The following SLC1A6 variants were observed in gnomAD, a reference collection of about 807,000 sequenced individuals.
The protein encoded by SLC1A6 is excitatory amino acid transporter 4.
In SLC1A6, 15 loss-of-function variants were observed where a neutral mutation model predicts 42.1. The ratio of observed to expected loss-of-function variants is 0.36; its 90% CI spans 0.24 to 0.55. SLC1A6 has a LOEUF of 0.55. SLC1A6 is among the 20% of genes least tolerant of loss of function. The probability of loss-of-function intolerance (pLI) is 0.88; values close to 1 mark genes in which losing one functional copy is unlikely to be tolerated. For missense variants in SLC1A6, 542 were observed against 772.5 expected (o/e 0.70, Z 3.54); for synonymous variants, 317 against 319.7 (o/e 0.99, Z 0.09).
At chr19:14,998,947 G>A (rs898030241) in intron 1 of SLC1A6, among the ~76,000 whole-genome samples, 6 of 151,220 alleles carry the variant, frequency 4.0e-5, no homozygotes, top group African/African-American at 7.3e-5. Flanking sequence ...GCACTATCTC[G>A]GCTCACTGCA....
chr19:15,005,219 C>A (rs1376529851), intron 1 of SLC1A6, among the ~76,000 whole-genome samples: 1 of 147,790 alleles, frequency 6.8e-6, no homozygotes, highest in Non-Finnish European at 1.5e-5. Context: ...ATGATGGTAC[C>A]ACTGTACTCT....
chr19:14,980,404 A>T (rs1434010376), upstream of SLC1A6: 1 of 152,248 alleles, frequency 6.6e-6, no homozygotes, highest in Non-Finnish European at 1.5e-5. Flanking sequence ...TTTCTTCTCG[A>T]AAGGCAATGA....
chr19:15,010,484 C>CCGA, the SLC1A6 span: 1 of 532,510 alleles, frequency 1.9e-6, no homozygotes. Context: ...TCCATGCTTA[C>CCGA]CGACATGCGA....
Position 14,950,186 on chromosome 19 carries a change from G to A in SLC1A6, c.*9C>T. ...CCCTCCTCTCTGGGGGGGCAGAGCT[G>A]GAGGCCCCTCACATAGCACTCTCGT... On this transcript the variant is annotated 3_prime_UTR_variant, in exon 10 of 10. Coordinates refer to ENST00000594383, the MANE Select transcript of SLC1A6 (RefSeq NM_005071.3). 1 of 1,525,404 alleles carries A rather than the reference G, an allele frequency of 6.6e-7. No individual in the cohort carries two copies. The highest frequency in any genetic ancestry group is 1.4e-5 in the African/African-American group (1 of 72,876). The allele number at this position is 1,525,404 out of a possible 1,614,324, so 94.5% of individuals were successfully genotyped here.
intron 1 of SLC1A6, among the ~76,000 whole-genome samples, chr19:14,978,468 C>T (rs530420710): frequency 1.3e-5 from 2 of 152,128 alleles, no homozygotes; most frequent in East Asian, 3.9e-4. Context: ...ATATCCACAA[C>T]CCCAGACAGA....
chr19:14,975,240 A>ATCATTTATTCTATATT (rs2045690390), intron 1 of SLC1A6: 1 of 145,680 alleles, frequency 6.9e-6, no homozygotes, highest in African/African-American at 2.6e-5. Context: ...AGCACCGTAG[A>ATCATTTATTCTATATT]GGGACTATGG....
intron 1 of SLC1A6, among the ~76,000 whole-genome samples, chr19:15,009,783 A>T (rs1699059598): frequency 1.3e-5 from 2 of 152,224 alleles, no homozygotes; most frequent in Admixed American, 1.3e-4. Context: ...AAGGCTCTTA[A>T]TTCTTCTAGG....
Position 14,962,352 on chromosome 19 carries a change from TAGAG to T in SLC1A6, c.592-11_592-8del, listed in dbSNP as rs1555705813. On this transcript the variant is annotated splice_region_variant and splice_polypyrimidine_tract_variant and intron_variant, in intron 5 of 9. Coordinates refer to ENST00000594383, the MANE Select transcript of SLC1A6 (RefSeq NM_005071.3). ...TGCTGTACTGCGTCTTGAACTGAAA[TAGAG>T]AGAGATTGCGCCCAGATTCAATTCA... 4 of 1,601,046 alleles carry T rather than the reference TAGAG, an allele frequency of 2.5e-6. No homozygotes were observed. The highest frequency in any genetic ancestry group is 1.3e-5 in the African/African-American group (1 of 74,564).
At position 14,999,339 on chromosome 19, in the gene SLC1A6, A is replaced by T. The variant is rs2045862420; in HGVS notation, c.6+11146T>A. ...TCTTTCAACCAATTGCCAATTGGAA[A>T]ATCTTTGAATCCACCTATGACCTGG... is the stretch of plus-strand genomic sequence containing the variant. On this transcript the variant is annotated intron_variant, in intron 1 of 8. Coordinates refer to the SLC1A6 transcript ENST00000430939. 2.6e-5 allele frequency among the ~76,000 whole-genome samples: 4 copies of T among 152,280 alleles called. No individual in the cohort carries two copies. In the South Asian group the frequency reaches 8.3e-4, roughly 32 times the overall value.
chr19:14,967,926 C>T (rs1448147202), intron 4 of SLC1A6, among the ~76,000 whole-genome samples: 3 of 152,134 alleles, frequency 2.0e-5, no homozygotes, highest in Non-Finnish European at 4.4e-5. Context: ...TGGGTACCTT[C>T]GTGTCCTGAA....
At chr19:14,967,740 T>C (rs1302888444) in intron 4 of SLC1A6, among the ~76,000 whole-genome samples, 1 of 152,172 alleles carries the variant, frequency 6.6e-6, no homozygotes, top group Admixed American at 6.5e-5. Context: ...AGTCTTATGA[T>C]AAGCAATATT....
chr19:14,963,584 A>C (rs146486743), intron 5 of SLC1A6, among the ~76,000 whole-genome samples: 1 of 152,240 alleles, frequency 6.6e-6, no homozygotes, highest in African/African-American at 2.4e-5. Flanking sequence ...CTTTGTGTGA[A>C]TTTGAACATA....
chr19:14,966,662 T>G (rs904536591), intron 4 of SLC1A6, among the ~76,000 whole-genome samples: 1 of 152,122 alleles, frequency 6.6e-6, no homozygotes, highest in African/African-American at 2.4e-5. Flanking sequence ...AAAGAAAATA[T>G]GGCACATATA....
At chr19:14,974,240 C>G (rs916702209) in intron 1 of SLC1A6, 9 of 151,888 alleles carry the variant, frequency 5.9e-5, no homozygotes, top group Non-Finnish European at 1.0e-4. Context: ...GCCTGTAGTC[C>G]CAACTACTCG....
rs765939176 is a variant in SLC1A6, at chr19:14,956,492, T to A, written c.1153A>T (p.Met385Leu). Reference sequence around the variant, plus strand: ...AGGCCATACCTGGAAGACGTGCCCATAGCGGTGATGAGGGCTTGTAGCATG... The same window carrying A: ...AGGCCATACCTGGAAGACGTGCCCAAAGCGGTGATGAGGGCTTGTAGCATG... ...GGMLQALITA[M>L]GTSSSSATLP... is the part of the protein sequence containing the mutation. Residue 385 changes from methionine to leucine, a missense_variant, in exon 7 of 10, where the codon ATG becomes TTG. Met to Leu is a conservative substitution (Grantham distance 15). Coordinates refer to ENST00000594383, the MANE Select transcript of SLC1A6 (RefSeq NM_005071.3). The A allele has an allele frequency of 6.3e-7, 1 of 1,587,772 alleles. No individual in the cohort carries two copies. The highest frequency in any genetic ancestry group is 8.6e-7 in the Non-Finnish European group (1 of 1,164,858).
intron 6 of SLC1A6, among the ~76,000 whole-genome samples, chr19:14,957,882 C>A (rs2045476369): frequency 6.6e-6 from 1 of 152,106 alleles, no homozygotes; most frequent in Admixed American, 6.5e-5. Context: ...TCATTGCAGG[C>A]ACAATGCAGA....
upstream of SLC1A6, among the ~76,000 whole-genome samples, chr19:14,983,543 G>C (rs556711941): frequency 6.6e-6 from 1 of 151,850 alleles, no homozygotes; most frequent in African/African-American, 2.4e-5. Context: ...TTTAAAATGA[G>C]CCAGGTATGG....
At chr19:14,983,439 G>A (rs549410980), upstream of SLC1A6, among the ~76,000 whole-genome samples, 13 of 151,970 alleles carry the variant, frequency 8.6e-5, no homozygotes, top group East Asian at 1.6e-3. Context: ...TCCCAGCCGC[G>A]CTTTGGGAAG....
At chr19:14,964,949 G>A (rs1488861521) in intron 4 of SLC1A6, among the ~76,000 whole-genome samples, 1 of 151,840 alleles carries the variant, frequency 6.6e-6, no homozygotes, top group East Asian at 1.9e-4. Context: ...TGATGTGGGG[G>A]AAAGGGGACA....
Sources: gnomAD v4.1 joint callset for allele counts (sites outside exome capture counted in the v4.1 genomes callset) on GRCh38, gnomAD v4.1.1 for gene constraint, MANE v1.5 for transcripts, NCBI Gene and HGNC (gene_info 2026-07-23, HGNC 2026-07-21) for gene names.